The following DLGAP2 variants were observed in gnomAD, a reference collection of about 807,000 sequenced individuals.
The protein encoded by DLGAP2 is DLG associated protein 2.
Under a neutral mutation model 100.3 loss-of-function variants are expected in DLGAP2, and 26 were observed. The ratio of observed to expected loss-of-function variants is 0.26; its 90% CI spans 0.19 to 0.36. DLGAP2 has a LOEUF of 0.36. DLGAP2 is among the 10% of genes least tolerant of loss of function. The pLI, the probability that DLGAP2 is intolerant of heterozygous loss-of-function variation, is 1.00. For missense variants in DLGAP2, 1,858 were observed against 1,453.2 expected (o/e 1.28, Z -4.53); for synonymous variants, 886 against 630.1 (o/e 1.41, Z -6.08).
intron 4 of DLGAP2, among the ~76,000 whole-genome samples, chr8:1,544,661 G>A (rs1270722656): frequency 1.3e-5 from 2 of 151,912 alleles, no homozygotes; most frequent in Non-Finnish European, 2.9e-5. Context: ...GCATTGCTAG[G>A]ATAAATTCTA....
At chr8:821,275 A>G (rs1162869919) in intron 1 of DLGAP2, among the ~76,000 whole-genome samples, 1 of 152,228 alleles carries the variant, frequency 6.6e-6, no homozygotes, top group Non-Finnish European at 1.5e-5. Context: ...GACCTTCAGG[A>G]AAGTCAATAT....
rs756961844 is a variant in DLGAP2 at position 1,697,175 on chromosome 8, C to T, written c.2825C>T (p.Ser942Leu). ...MDPSAMPRPT[S>L]QDLAGYWDML... ...CCCAGCGCCATGCCGAGGCCGACGT[C>T]GCAGGACCTGGCCGGCTACTGGGAC... is the stretch of plus-strand genomic sequence containing the variant. The change falls in exon 14 of 15, where the codon TCG (serine) becomes TTG (leucine). Residue 942 changes from serine (S) to leucine (L), a missense_variant. Transcript: ENST00000637795. 45 of 1,605,410 alleles carry T rather than the reference C, an allele frequency of 2.8e-5. No homozygotes were observed. Among genetic ancestry groups the T allele is most frequent in the East Asian group, 4.5e-5 (2 of 44,618 alleles).
chr8:1,060,242 C>T (rs112961244), intron 2 of DLGAP2, among the ~76,000 whole-genome samples: 1,570 of 151,024 alleles, frequency 0.01, 33 homozygotes, highest in African/African-American at 0.036. Flanking sequence ...TCTCGCAGTT[C>T]TGGAGGCCAG....
intron 3 of DLGAP2, among the ~76,000 whole-genome samples, chr8:1,498,063 C>G (rs994287106): frequency 6.6e-6 from 1 of 152,172 alleles, no homozygotes; most frequent in South Asian, 2.1e-4. Context: ...AAAGGCAGGA[C>G]AACTGGAAGT....
chr8:1,442,456 T>G (rs1388086758), intron 3 of DLGAP2, among the ~76,000 whole-genome samples: 1 of 141,346 alleles, frequency 7.1e-6, no homozygotes, highest in Non-Finnish European at 1.5e-5. Flanking sequence ...GATCCGGGCA[T>G]AGACCCGCCA....
chr8:1,599,217 C>G (rs1796548843), intron 6 of DLGAP2, among the ~76,000 whole-genome samples: 2 of 152,174 alleles, frequency 1.3e-5, no homozygotes, highest in South Asian at 4.1e-4. Context: ...TTTGATTGCA[C>G]TGTGGTCGGA....
chr8:1,176,573 G>T (rs1797262447), intron 2 of DLGAP2, among the ~76,000 whole-genome samples: 1 of 140,718 alleles, frequency 7.1e-6, no homozygotes, highest in Non-Finnish European at 1.5e-5. Flanking sequence ...TCATGCTCAG[G>T]TCCCACCCAT....
chr8:1,678,800 TGAAAA>T (rs925626868), intron 12 of DLGAP2, 171 bp downstream of exon 12: 26 of 737,962 alleles, frequency 3.5e-5, no homozygotes, highest in Non-Finnish European at 4.9e-5. Flanking sequence ...ATAAATTACA[TGAAAA>T]GAGAAGCAGT....
chr8:883,569 G>A (rs536313751), intron 1 of DLGAP2, among the ~76,000 whole-genome samples: 2 of 151,774 alleles, frequency 1.3e-5, no homozygotes, highest in African/African-American at 2.4e-5. Flanking sequence ...TGTTACACAG[G>A]TACGCGTGTG....
chr8:1,045,538 A>C (rs372529152), intron 2 of DLGAP2, among the ~76,000 whole-genome samples: 14 of 152,070 alleles, frequency 9.2e-5, no homozygotes, highest in Non-Finnish European at 1.9e-4. Flanking sequence ...GTTTTCCACT[A>C]TGCAGTGCCT....
intron 2 of DLGAP2, among the ~76,000 whole-genome samples, chr8:969,443 G>A (rs1351639240): frequency 1.3e-5 from 2 of 151,736 alleles, no homozygotes; most frequent in African/African-American, 4.8e-5. Flanking sequence ...ACACAAACCA[G>A]TGCAGGTTTG....
chr8:1,514,538 A>G (rs555674137), intron 4 of DLGAP2, among the ~76,000 whole-genome samples: 1 of 152,272 alleles, frequency 6.6e-6, no homozygotes, highest in Admixed American at 6.5e-5. Context: ...TAAGAGCTAC[A>G]CATGTGGTCA....
intron 2 of DLGAP2, among the ~76,000 whole-genome samples, chr8:1,117,234 G>T (rs56152565): frequency 6.6e-6 from 1 of 152,092 alleles, no homozygotes; most frequent in East Asian, 1.9e-4. Flanking sequence ...TGCCGAGCTA[G>T]TGCCTCGGGG....
intron 1 of DLGAP2, among the ~76,000 whole-genome samples, chr8:871,349 G>A (rs1797594877): frequency 6.6e-6 from 1 of 152,190 alleles, no homozygotes; most frequent in Non-Finnish European, 1.5e-5. Context: ...ATTTCCATTT[G>A]CACTTTGGGT....
At chr8:1,334,800 T>C (rs1035470928) in intron 3 of DLGAP2, among the ~76,000 whole-genome samples, 1 of 152,066 alleles carries the variant, frequency 6.6e-6, no homozygotes, top group African/African-American at 2.4e-5. Flanking sequence ...ATGATACATG[T>C]GTTGACACGC....
rs888585421 is a variant in DLGAP2, at chr8:1,693,160, A to G, written c.2796+1534A>G. Among the ~76,000 whole-genome samples the G allele has an allele frequency of 6.5e-4, 95 of 145,046 alleles. 1 individual carries two copies. Among genetic ancestry groups the G allele is most frequent in the South Asian group, 4.4e-4 (2 of 4,572 alleles). ...AACATATAACAAATATATAACATTA[A>G]CTACATATTTTATATATACAAATAT... On this transcript the variant is annotated intron_variant, in intron 13 of 14. Coordinates refer to ENST00000637795, the MANE Select transcript of DLGAP2 (RefSeq NM_001346810.2).
intron 2 of DLGAP2, among the ~76,000 whole-genome samples, chr8:1,256,307 G>T (rs73533761): frequency 0.049 from 5,752 of 116,794 alleles, 639 homozygotes; most frequent in African/African-American, 0.19. Context: ...GGTGCTGTCT[G>T]TGTGTCCTCT....
intron 3 of DLGAP2, among the ~76,000 whole-genome samples, chr8:1,315,314 C>T (rs1298609915): frequency 6.7e-6 from 1 of 148,948 alleles, no homozygotes; most frequent in Non-Finnish European, 1.5e-5. Flanking sequence ...GTCTCTCCAA[C>T]ATTGGTCTAC....
At chr8:1,072,692 G>C (rs1265468963) in intron 2 of DLGAP2, among the ~76,000 whole-genome samples, 1 of 152,214 alleles carries the variant, frequency 6.6e-6, no homozygotes, top group African/African-American at 2.4e-5. Flanking sequence ...TCCTGGAGAA[G>C]ATGTGCTTCT....
Sources: gnomAD v4.1 joint callset for allele counts (sites outside exome capture counted in the v4.1 genomes callset) on GRCh38, gnomAD v4.1.1 for gene constraint, MANE v1.5 for transcripts, NCBI Gene and HGNC (gene_info 2026-07-23, HGNC 2026-07-21) for gene names.